The following DOCK9 variants were observed in gnomAD, a reference collection of about 807,000 sequenced individuals.
DOCK9 encodes the protein dedicator of cytokinesis protein 9.
In DOCK9, 89 loss-of-function variants were observed where a neutral mutation model predicts 263.3. The observed-to-expected ratio is 0.34, with a 90% CI of 0.28 to 0.40. DOCK9 has a LOEUF of 0.40. DOCK9 is among the 10% of genes least tolerant of loss of function. The pLI, the probability that DOCK9 is intolerant of heterozygous loss-of-function variation, is 1.00. For missense variants in DOCK9, 2,140 were observed against 2,603.4 expected, an observed-to-expected ratio of 0.82 and a Z score of 3.87; for synonymous variants, 976 against 973.1, an observed-to-expected ratio of 1.00 and a Z score of -0.06.
At chr13:98,897,426 T>G in intron 15 of DOCK9, 62 bp downstream of exon 15, 4 of 1,590,168 alleles carry the variant, frequency 2.5e-6, no homozygotes, top group Non-Finnish European at 3.4e-6. Flanking sequence ...GCTCCCCTGT[T>G]CCTCCCTCCC....
chr13:98,948,297 A>T (rs2056975647), intron 2 of DOCK9, among the ~76,000 whole-genome samples: 1 of 152,198 alleles, frequency 6.6e-6, no homozygotes, highest in South Asian at 2.1e-4. Context: ...ACATTTCCAA[A>T]AAGTAAAATT....
intron 1 of DOCK9, among the ~76,000 whole-genome samples, chr13:99,071,290 T>A (rs7318226): frequency 0.28 from 40,429 of 145,584 alleles, 6,103 homozygotes; most frequent in East Asian, 0.44. Flanking sequence ...CTACAGGTGC[T>A]TGCCACCATG....
intron 2 of DOCK9, among the ~76,000 whole-genome samples, chr13:98,936,623 CA>C (rs1189746396): frequency 0.12 from 5,525 of 47,424 alleles, 130 homozygotes; most frequent in Middle Eastern, 0.29. Context: ...CTGTCTCAAA[CA>C]AAAAAAAAAA....
chr13:98,997,466 TCAAGGG>T (rs1235323903), intron 1 of DOCK9, among the ~76,000 whole-genome samples: 1 of 152,232 alleles, frequency 6.6e-6, no homozygotes. Flanking sequence ...AAGACCTCTC[TCAAGGG>T]CATGACAGTA....
At chr13:98,999,316 A>ACACACACACACAGTCTCT in intron 1 of DOCK9, among the ~76,000 whole-genome samples, 1 of 138,292 alleles carries the variant, frequency 7.2e-6, no homozygotes, top group Non-Finnish European at 1.5e-5. Context: ...ACACACACAC[A>ACACACACACACAGTCTCT]CTCTCTCTCT....
intron 1 of DOCK9, among the ~76,000 whole-genome samples, chr13:99,009,553 G>C (rs1321905446): frequency 2.0e-5 from 3 of 151,980 alleles, no homozygotes; most frequent in Non-Finnish European, 4.4e-5. Flanking sequence ...AGATAATCAA[G>C]ATCTGGCCTC....
At chr13:98,916,576 G>T (rs1246393062) in intron 7 of DOCK9, among the ~76,000 whole-genome samples, 2 of 152,212 alleles carry the variant, frequency 1.3e-5, no homozygotes, top group Admixed American at 1.3e-4. Flanking sequence ...TCTTAGAAAT[G>T]CAAAGTCAAG....
At chr13:98,892,840 T>C (rs1386064044) in intron 15 of DOCK9, among the ~76,000 whole-genome samples, 3 of 152,134 alleles carry the variant, frequency 2.0e-5, no homozygotes, top group Non-Finnish European at 4.4e-5. Context: ...ATCACCTTAA[T>C]GCCTTTTGCA....
intron 45 of DOCK9, among the ~76,000 whole-genome samples, chr13:98,815,548 T>C (rs1280990066): frequency 6.6e-6 from 1 of 152,220 alleles, no homozygotes; most frequent in African/African-American, 2.4e-5. Flanking sequence ...TGGCACGATC[T>C]TGGCTCACTG....
intron 1 of DOCK9, among the ~76,000 whole-genome samples, chr13:99,082,564 T>A (rs1318000554): frequency 3.9e-4 from 9 of 22,950 alleles, no homozygotes; most frequent in South Asian, 3.0e-3. Context: ...AATAAATAAA[T>A]AAAAAAAAAC....
chr13:98,996,440 T>C (rs1881052845), intron 1 of DOCK9, among the ~76,000 whole-genome samples: 1 of 152,224 alleles, frequency 6.6e-6, no homozygotes. Flanking sequence ...TAATATTATA[T>C]AACTAACTCT....
chr13:98,967,997 C>G (rs1240956575), intron 1 of DOCK9, among the ~76,000 whole-genome samples: 1 of 151,900 alleles, frequency 6.6e-6, no homozygotes, highest in African/African-American at 2.4e-5. Context: ...TTTTCCTCAT[C>G]CAGTGACTCG....
At chr13:98,900,370 A>G (rs1348677095) in intron 13 of DOCK9, among the ~76,000 whole-genome samples, 2 of 152,128 alleles carry the variant, frequency 1.3e-5, no homozygotes, top group Non-Finnish European at 2.9e-5. Context: ...GGGGGAGGAG[A>G]TCTTATATTG....
intron 22 of DOCK9, among the ~76,000 whole-genome samples, 196 bp from the exon 23 acceptor site, chr13:98,883,327 G>A (rs562470945): frequency 1.3e-5 from 2 of 152,016 alleles, no homozygotes; most frequent in African/African-American, 2.4e-5. Flanking sequence ...GGCTCACTGC[G>A]GCCTTGACCT....
chr13:98,883,227 T>TTTGTTG, intron 22 of DOCK9, 96 bp from the exon 23 acceptor site: 1 of 1,127,618 alleles, frequency 8.9e-7, no homozygotes, highest in Non-Finnish European at 1.3e-6. Context: ...TTTTTTGCTG[T>TTTGTTG]ATGTTGTTGT....
At chr13:98,999,634 T>C (rs1163757064) in intron 1 of DOCK9, among the ~76,000 whole-genome samples, 1 of 152,124 alleles carries the variant, frequency 6.6e-6, no homozygotes, top group Non-Finnish European at 1.5e-5. Flanking sequence ...GATTCAAAAA[T>C]TATAAAAATG....
chr13:98,991,414 C>T (rs1316491408), intron 1 of DOCK9, among the ~76,000 whole-genome samples: 9 of 152,118 alleles, frequency 5.9e-5, no homozygotes, highest in Non-Finnish European at 1.2e-4. Context: ...AGTAGCTAGA[C>T]CTGTGCTGGC....
At chr13:99,063,181 G>C (rs2041268851) in intron 1 of DOCK9, among the ~76,000 whole-genome samples, 1 of 152,244 alleles carries the variant, frequency 6.6e-6, no homozygotes, top group South Asian at 2.1e-4. Context: ...AGTAAGTCTA[G>C]ACAGAGGCAA....
upstream of DOCK9, chr13:98,978,109 T>C (rs1875748468): frequency 3.6e-6 from 5 of 1,392,850 alleles, no homozygotes; most frequent in African/African-American, 5.8e-5. Context: ...TCCAGGGGTG[T>C]TACTACTCCA....
Sources: allele counts gnomAD v4.1 joint callset (sites outside exome capture counted in the v4.1 genomes callset), GRCh38; gene constraint gnomAD v4.1.1; transcripts MANE v1.5; gene names NCBI Gene and HGNC (gene_info 2026-07-23, HGNC 2026-07-21).